ZRANB3: variants seen among roughly 807,000 people sequenced by gnomAD.
The protein encoded by ZRANB3 is zinc finger RANBP2-type containing 3.
A neutral mutation model predicts 133.8 loss-of-function variants in ZRANB3; 125 were observed. The observed-to-expected ratio is 0.93, with a 90% confidence interval of 0.81 to 1.08. ZRANB3 has a LOEUF of 1.08. Among genes scored for constraint, ZRANB3 ranks in the 50% least tolerant of loss-of-function variants. ZRANB3 has a pLI of 0.00. For missense variants in ZRANB3, 1,229 were observed against 1,275.5 expected (o/e 0.96, Z 0.56); for synonymous variants, 387 against 432.7 (o/e 0.89, Z 1.31).
chr2:135,408,298 T>C (rs1258673738), intron 2 of ZRANB3, among the ~76,000 whole-genome samples: 2 of 152,208 alleles, frequency 1.3e-5, no homozygotes, highest in East Asian at 3.9e-4. Flanking sequence ...CCAGTTAGAA[T>C]GGCGATCATT....
intron 1 of ZRANB3, among the ~76,000 whole-genome samples, chr2:135,516,152 C>A (rs1367066535): frequency 6.6e-6 from 1 of 151,536 alleles, no homozygotes. Context: ...ATTCTTCCAT[C>A]CCTTTATTTT....
chr2:135,319,954 G>A (rs1683440978), intron 6 of ZRANB3, among the ~76,000 whole-genome samples: 1 of 152,180 alleles, frequency 6.6e-6, no homozygotes. Flanking sequence ...CTATAAATTT[G>A]ACAGGGACAT....
intron 2 of ZRANB3, among the ~76,000 whole-genome samples, chr2:135,485,958 T>C (rs185287771): frequency 1.3e-5 from 2 of 152,352 alleles, no homozygotes; most frequent in Admixed American, 1.3e-4. Context: ...AAAAATTTCA[T>C]GTATTAATAC....
intron 1 of ZRANB3, among the ~76,000 whole-genome samples, chr2:135,528,647 A>AT: frequency 6.6e-6 from 1 of 152,284 alleles, no homozygotes; most frequent in Non-Finnish European, 1.5e-5. Flanking sequence ...ACACAAACAA[A>AT]TAAAAAAAAA....
intron 6 of ZRANB3, among the ~76,000 whole-genome samples, chr2:135,324,919 A>C (rs1683736346): frequency 6.6e-6 from 1 of 152,120 alleles, no homozygotes; most frequent in African/African-American, 2.4e-5. Flanking sequence ...CCACTTGTTG[A>C]TGGGGTTGTT....
intron 8 of ZRANB3, among the ~76,000 whole-genome samples, chr2:135,285,397 C>T (rs1484342069): frequency 6.6e-6 from 1 of 152,106 alleles, no homozygotes; most frequent in Non-Finnish European, 1.5e-5. Context: ...CAGAGTGTCC[C>T]CAATTCAGAG....
chr2:135,352,105 G>A (rs1685233987), intron 4 of ZRANB3, among the ~76,000 whole-genome samples: 1 of 152,098 alleles, frequency 6.6e-6, no homozygotes, highest in Admixed American at 6.5e-5. Flanking sequence ...GCTGAGGTGG[G>A]TGGATCACCT....
At chr2:135,322,185 A>T (rs1475259057) in intron 6 of ZRANB3, among the ~76,000 whole-genome samples, 1 of 152,208 alleles carries the variant, frequency 6.6e-6, no homozygotes, top group South Asian at 2.1e-4. Context: ...TTGATCACAT[A>T]TATGGGTCTA....
At chr2:135,530,924 A>C (rs1694556300) in intron 1 of ZRANB3, among the ~76,000 whole-genome samples, 1 of 152,194 alleles carries the variant, frequency 6.6e-6, no homozygotes, top group Non-Finnish European at 1.5e-5. Flanking sequence ...AGTCCGCTCC[A>C]GGCCGAAAAG....
At chr2:135,303,936 T>C (rs897493115) in intron 8 of ZRANB3, among the ~76,000 whole-genome samples, 1 of 152,248 alleles carries the variant, frequency 6.6e-6, no homozygotes. Flanking sequence ...TTCCAATTTT[T>C]ATTGCCAGTA....
chr2:135,247,597 T>C (rs918575538), intron 12 of ZRANB3, among the ~76,000 whole-genome samples: 1 of 152,136 alleles, frequency 6.6e-6, no homozygotes, highest in African/African-American at 2.4e-5. Flanking sequence ...CAGTGTCGCA[T>C]GAAGTGGGAG....
At chr2:135,325,266 T>C (rs1683750951) in intron 6 of ZRANB3, among the ~76,000 whole-genome samples, 1 of 152,216 alleles carries the variant, frequency 6.6e-6, no homozygotes, top group Non-Finnish European at 1.5e-5. Context: ...TGGACACCAC[T>C]GTAAGTTGCT....
intron 8 of ZRANB3, among the ~76,000 whole-genome samples, chr2:135,305,372 A>G (rs965589054): frequency 6.6e-6 from 1 of 152,192 alleles, no homozygotes; most frequent in Non-Finnish European, 1.5e-5. Flanking sequence ...CTTTCAGTCT[A>G]TATGTATCTT....
chr2:135,280,178 CTATTT>C (rs1681032103), intron 8 of ZRANB3, among the ~76,000 whole-genome samples: 1 of 152,126 alleles, frequency 6.6e-6, no homozygotes, highest in Non-Finnish European at 1.5e-5. Context: ...ATTCAAAACT[CTATTT>C]TATTTTACTA....
intron 2 of ZRANB3, among the ~76,000 whole-genome samples, chr2:135,392,890 T>A (rs1463257475): frequency 6.6e-6 from 1 of 152,090 alleles, no homozygotes; most frequent in Non-Finnish European, 1.5e-5. Context: ...TTTTGGTTTT[T>A]TTTTTTCTGA....
At chr2:135,422,115 A>G (rs1411333798) in intron 2 of ZRANB3, among the ~76,000 whole-genome samples, 3 of 152,002 alleles carry the variant, frequency 2.0e-5, no homozygotes, top group Admixed American at 1.3e-4. Context: ...AGAGTCAATA[A>G]AACACTTACT....
chr2:135,359,212 T>C (rs1685567920), intron 3 of ZRANB3, among the ~76,000 whole-genome samples: 1 of 152,102 alleles, frequency 6.6e-6, no homozygotes. Flanking sequence ...ATTGTGATTT[T>C]TATAAAAGAG....
rs1478175987 is a variant in ZRANB3, at chr2:135,350,214, T to G, written c.361A>C (p.Arg121=). The G allele has an allele frequency of 1.3e-6, 2 of 1,573,760 alleles. No homozygotes were observed. Among genetic ancestry groups the G allele is most frequent in the Non-Finnish European group, 1.7e-6 (2 of 1,157,790 alleles). ...NVIQNKTDVR[R]MSTSKVTVLG... Reference sequence around the variant, plus strand: ...ACTGTCACTTTACTGGTCGACATTCTCCTAGAAAAGAAAATCCATGTACTT... The same window carrying G: ...ACTGTCACTTTACTGGTCGACATTCGCCTAGAAAAGAAAATCCATGTACTT... Residue 121 remains arginine, a splice_region_variant and synonymous_variant, in exon 5 of 21, where the codon AGA becomes CGA. Transcript: ENST00000264159.
intron 2 of ZRANB3, among the ~76,000 whole-genome samples, chr2:135,487,261 G>A (rs1692164976): frequency 6.6e-6 from 1 of 152,196 alleles, no homozygotes; most frequent in South Asian, 2.1e-4. Flanking sequence ...GCTACAAAGA[G>A]ATGTACTGTC....
Sources: gnomAD v4.1 joint callset for allele counts (sites outside exome capture counted in the v4.1 genomes callset) on GRCh38, gnomAD v4.1.1 for gene constraint, MANE v1.5 for transcripts, NCBI Gene and HGNC (gene_info 2026-07-23, HGNC 2026-07-21) for gene names.